The following SFI1 variants were observed in gnomAD, a reference collection of about 807,000 sequenced individuals.
SFI1 encodes the protein SFI1 centrin binding protein, also known as protein SFI1 homolog.
A neutral mutation model predicts 207.5 loss-of-function variants in SFI1; 195 were observed. That is an observed-to-expected ratio of 0.94 (90% CI 0.84 to 1.06). The LOEUF is 1.06. Ranked by LOEUF, SFI1 falls within the 50% of genes least tolerant of loss-of-function variation. The probability of loss-of-function intolerance (pLI) is 0.00; values close to 1 mark genes in which losing one functional copy is unlikely to be tolerated. For missense variants in SFI1, 1,634 were observed against 1,588.0 expected (o/e 1.03, Z -0.49); for synonymous variants, 630 against 598.9 (o/e 1.05, Z -0.76).
At chr22:31,587,236 G>T in intron 14 of SFI1, 1 of 240,004 alleles carries the variant, frequency 4.2e-6, no homozygotes, top group South Asian at 4.7e-5. Context: ...CATTGTATTG[G>T]GTATTATGAG....
At chr22:31,614,364 TC>T in intron 27 of SFI1, 2 of 374,242 alleles carry the variant, frequency 5.3e-6, no homozygotes, top group South Asian at 4.2e-5. Context: ...AGCTGGTGGC[TC>T]CCACAGCAAC....
chr22:31,590,975 A>ATTTTT (rs997391866), intron 15 of SFI1, among the ~76,000 whole-genome samples: 2,370 of 137,170 alleles, frequency 0.017, 17 homozygotes, highest in African/African-American at 0.032. Context: ...TTATTTATTT[A>ATTTTT]TTTATTTTTT....
chr22:31,498,161 G>T (rs2053066362), intron 1 of SFI1, among the ~76,000 whole-genome samples: 1 of 152,154 alleles, frequency 6.6e-6, no homozygotes, highest in African/African-American at 2.4e-5. Flanking sequence ...CGGATGTGGT[G>T]GCGGGCACCC....
chr22:31,497,863 A>C (rs1426549158), intron 1 of SFI1, among the ~76,000 whole-genome samples: 2 of 152,218 alleles, frequency 1.3e-5, no homozygotes, highest in Admixed American at 6.5e-5. Context: ...GGTCATTAAC[A>C]AGGCACCTGG....
At chr22:31,586,270 A>G (rs62237800) in intron 14 of SFI1, among the ~76,000 whole-genome samples, 6,920 of 152,116 alleles carry the variant, frequency 0.045, 136 homozygotes, top group African/African-American at 0.053. Context: ...CCCCTACCCC[A>G]GAGGCATAGC....
chr22:31,616,595 A>G (rs2071527593), intron 29 of SFI1, 150 bp from the exon 30 acceptor site: 3 of 794,282 alleles, frequency 3.8e-6, no homozygotes, highest in Non-Finnish European at 5.9e-6. Flanking sequence ...CTGAGCTGGC[A>G]CGGCCAGTGC....
chr22:31,587,244 G>A (rs2146322999), intron 14 of SFI1: 1 of 254,114 alleles, frequency 3.9e-6, no homozygotes, highest in African/African-American at 2.2e-5. Context: ...TGGGTATTAT[G>A]AGTAATCTAG....
chr22:31,592,923 T>G, intron 15 of SFI1, among the ~76,000 whole-genome samples: 1 of 89,116 alleles, frequency 1.1e-5, no homozygotes, highest in South Asian at 4.5e-4. Context: ...CACTTCCCAG[T>G]AGGGGCGGCC....
intron 11 of SFI1, among the ~76,000 whole-genome samples, chr22:31,579,594 C>T (rs1218778841): frequency 1.3e-5 from 2 of 152,288 alleles, no homozygotes; most frequent in Admixed American, 6.5e-5. Context: ...GGATTACAGG[C>T]GTGAGCCACC....
intron 15 of SFI1, among the ~76,000 whole-genome samples, chr22:31,593,115 G>C (rs1220184501): frequency 2.7e-5 from 4 of 146,692 alleles, no homozygotes; most frequent in African/African-American, 7.6e-5. Flanking sequence ...GGATGGGGCG[G>C]CTGGCCGGGC....
intron 4 of SFI1, among the ~76,000 whole-genome samples, chr22:31,535,645 A>C (rs2058925493): frequency 6.6e-6 from 1 of 151,996 alleles, no homozygotes; most frequent in Non-Finnish European, 1.5e-5. Context: ...CAGCCTCCCA[A>C]GTGGCTGGGA....
At chr22:31,607,514 A>G (rs2069250113) in intron 21 of SFI1, 1 of 151,984 alleles carries the variant, frequency 6.6e-6, no homozygotes, top group African/African-American at 2.4e-5. Flanking sequence ...GAGGCAGGAG[A>G]ATCGCTAGAA....
At chr22:31,558,942 A>G (rs1468960206) in intron 7 of SFI1, among the ~76,000 whole-genome samples, 3 of 151,916 alleles carry the variant, frequency 2.0e-5, no homozygotes, top group African/African-American at 7.3e-5. Context: ...TCAGCCTCCC[A>G]AGTAACTGGG....
chr22:31,505,323 C>T (rs2146516326), intron 1 of SFI1, among the ~76,000 whole-genome samples: 1 of 152,062 alleles, frequency 6.6e-6, no homozygotes, highest in Middle Eastern at 3.4e-3. Context: ...CCTGTAATCC[C>T]AGCTACATGG....
In SFI1 at chr22:31,611,105, C is replaced by G. The variant is rs115889413; in HGVS notation, c.2255-38C>G. 9.1e-4 allele frequency: 1,461 copies of G among 1,613,974 alleles called. 8 individuals are homozygous for G. The African/African-American group carries it at 0.017, about 19-fold the overall frequency. ...CCATTATGTAGTCACTGGTGGAAATCCCACAAAACAGCAAACTCTGACTTG... is the reference window on the plus strand; with the variant it reads ...CCATTATGTAGTCACTGGTGGAAATGCCACAAAACAGCAAACTCTGACTTG... On this transcript the variant is annotated intron_variant, in intron 22 of 32. Transcript: ENST00000400288.
At chr22:31,611,372 T>C in intron 23 of SFI1, 69 bp downstream of exon 23, 1 of 1,493,768 alleles carries the variant, frequency 6.7e-7, no homozygotes, top group East Asian at 2.3e-5. Context: ...CAGGAGACCA[T>C]TTCTCAGGAA....
chr22:31,542,183 C>T (rs929316856), intron 4 of SFI1, among the ~76,000 whole-genome samples: 14 of 150,946 alleles, frequency 9.3e-5, no homozygotes, highest in Admixed American at 2.0e-4. Context: ...GAGAGAACCA[C>T]TGGCATTAGT....
chr22:31,607,064 A>G (rs983730150), intron 21 of SFI1, among the ~76,000 whole-genome samples: 1 of 152,012 alleles, frequency 6.6e-6, no homozygotes, highest in Non-Finnish European at 1.5e-5. Flanking sequence ...TTGTCTCAAA[A>G]AAAAGAAAAG....
At chr22:31,578,508 C>T (rs2063757147) in intron 11 of SFI1, 56 bp downstream of exon 11, 2 of 1,541,082 alleles carry the variant, frequency 1.3e-6, no homozygotes, top group African/African-American at 1.4e-5. Context: ...TGGGTATCCA[C>T]TCTTGGGGGA....
Sources: gnomAD v4.1 joint callset for allele counts (sites outside exome capture counted in the v4.1 genomes callset) on GRCh38, gnomAD v4.1.1 for gene constraint, MANE v1.5 for transcripts, NCBI Gene and HGNC (gene_info 2026-07-23, HGNC 2026-07-21) for gene names.